Variants in MARCHF1 observed in about 807,000 individuals in gnomAD.
MARCHF1 encodes membrane associated ring-CH-type finger 1, also known as E3 ubiquitin-protein ligase MARCHF1.
MARCHF1 carries 40 observed loss-of-function variants against 54.2 expected under a neutral mutation model. The observed-to-expected ratio is 0.74, with a 90% CI of 0.57 to 0.96. The LOEUF (loss-of-function observed/expected upper bound fraction) is 0.96, where lower values mean the gene tolerates loss of function less well. Ranked by LOEUF, MARCHF1 falls within the 40% of genes least tolerant of loss-of-function variation. The probability of loss-of-function intolerance (pLI) is 0.00; values close to 1 mark genes in which losing one functional copy is unlikely to be tolerated. For synonymous variants in MARCHF1, 236 were observed against 236.3 expected (o/e 1.00, Z 0.01); for missense variants, 586 against 656.5 (o/e 0.89, Z 1.17).
intron 2 of MARCHF1, among the ~76,000 whole-genome samples, chr4:163,992,508 T>C (rs747552220): frequency 2.2e-4 from 34 of 152,028 alleles, no homozygotes; most frequent in Non-Finnish European, 4.0e-4. Flanking sequence ...AGGCCTCTAT[T>C]GTGCTTGGTA....
chr4:163,898,511 G>A (rs549767868), intron 3 of MARCHF1, among the ~76,000 whole-genome samples: 7 of 152,220 alleles, frequency 4.6e-5, no homozygotes, highest in East Asian at 1.9e-4. Flanking sequence ...CAGAATAGCC[G>A]TTATTAAAAA....
At chr4:164,282,491 C>T (rs976973101) in intron 1 of MARCHF1, among the ~76,000 whole-genome samples, 1 of 150,732 alleles carries the variant, frequency 6.6e-6, no homozygotes, top group African/African-American at 2.4e-5. Context: ...CCTCATCCAC[C>T]GTTCCAATAA....
At chr4:164,276,728 A>T (rs1423380246) in intron 1 of MARCHF1, among the ~76,000 whole-genome samples, 1 of 150,718 alleles carries the variant, frequency 6.6e-6, no homozygotes, top group African/African-American at 2.4e-5. Flanking sequence ...ATTTTAGATA[A>T]ATATCAAACT....
At chr4:163,798,894 G>C (rs971230256) in intron 4 of MARCHF1, among the ~76,000 whole-genome samples, 7 of 151,220 alleles carry the variant, frequency 4.6e-5, no homozygotes, top group Admixed American at 2.6e-4. Context: ...AAGAAGGAAA[G>C]TTACTTATGT....
intron 2 of MARCHF1, among the ~76,000 whole-genome samples, chr4:164,089,892 T>C (rs1755264681): frequency 6.6e-6 from 1 of 151,866 alleles, no homozygotes; most frequent in East Asian, 1.9e-4. Flanking sequence ...ATTTCTTATA[T>C]GTAAATCTGT....
At chr4:164,189,472 C>T (rs1472710531) in intron 1 of MARCHF1, 28 of 712,374 alleles carry the variant, frequency 3.9e-5, no homozygotes, top group South Asian at 2.4e-4. Context: ...TGGCTCTACT[C>T]GAATTCCAAA....
chr4:163,527,485 AATTT>A lies in MARCHF1; in HGVS notation c.*1259_*1262del, dbSNP rs765643136. ...CCTATTGTAAGTACTTCATAGTAAC[AATTT>A]ATTTATTTCACAACTCTGCTATAGG... is the stretch of plus-strand genomic sequence containing the variant. On this transcript the variant is annotated 3_prime_UTR_variant, in exon 10 of 10. Coordinates refer to ENST00000514618, the MANE Select transcript of MARCHF1 (RefSeq NM_001394959.1). 6.7e-6 allele frequency: 1 copy of A among 149,334 alleles called. No individual in the cohort carries two copies. The highest frequency in any genetic ancestry group is 1.5e-5 in the Non-Finnish European group (1 of 67,122). The allele number at this position is 149,334 out of a possible 1,614,324, so 9.3% of individuals were successfully genotyped here.
intron 3 of MARCHF1, among the ~76,000 whole-genome samples, chr4:163,892,232 A>G (rs1750676692): frequency 6.6e-6 from 1 of 152,210 alleles, no homozygotes; most frequent in Non-Finnish European, 1.5e-5. Flanking sequence ...TGCATAATCT[A>G]GTGCAGTGCT....
intron 5 of MARCHF1, among the ~76,000 whole-genome samples, chr4:163,683,262 A>G (rs771120740): frequency 2.0e-4 from 31 of 152,224 alleles, no homozygotes; most frequent in East Asian, 3.8e-4. Flanking sequence ...TAAAAGGCAC[A>G]TCTCACATGG....
At chr4:163,841,354 T>C (rs930739944) in intron 4 of MARCHF1, among the ~76,000 whole-genome samples, 1 of 152,068 alleles carries the variant, frequency 6.6e-6, no homozygotes, top group East Asian at 1.9e-4. Context: ...TTGGGGAGAC[T>C]ATGCTTGTGT....
chr4:163,855,039 C>A (rs569574837), intron 3 of MARCHF1, among the ~76,000 whole-genome samples: 12 of 152,158 alleles, frequency 7.9e-5, no homozygotes, highest in African/African-American at 2.9e-4. Flanking sequence ...TTCACAGCAT[C>A]CAAAGCAATT....
intron 1 of MARCHF1, among the ~76,000 whole-genome samples, chr4:164,367,679 TACA>T (rs1171894261): frequency 4.1e-4 from 62 of 151,322 alleles, no homozygotes; most frequent in Admixed American, 1.3e-3. Flanking sequence ...TCCAATTTTC[TACA>T]ACGTTTGTTT....
chr4:164,040,166 C>T (rs1248969527), intron 2 of MARCHF1, among the ~76,000 whole-genome samples: 3 of 142,776 alleles, frequency 2.1e-5, no homozygotes, highest in Non-Finnish European at 4.5e-5. Context: ...AAATATATAA[C>T]TATATATAAA....
At chr4:163,822,437 G>A (rs1748719070) in intron 4 of MARCHF1, among the ~76,000 whole-genome samples, 1 of 151,858 alleles carries the variant, frequency 6.6e-6, no homozygotes, top group South Asian at 2.1e-4. Context: ...AGGTATAGAG[G>A]TCATAGGTGT....
chr4:163,969,975 T>C (rs1196404985), intron 3 of MARCHF1, among the ~76,000 whole-genome samples: 3 of 152,136 alleles, frequency 2.0e-5, no homozygotes, highest in Middle Eastern at 6.8e-3. Context: ...ATCATCAAAA[T>C]GACACTTGGC....
chr4:164,063,157 G>A (rs1419595840), intron 2 of MARCHF1, among the ~76,000 whole-genome samples: 1 of 152,112 alleles, frequency 6.6e-6, no homozygotes, highest in Non-Finnish European at 1.5e-5. Flanking sequence ...AGGGCCCTAC[G>A]ATTTTCAGAA....
Position 163,712,761 on chromosome 4 carries a change from C to T in MARCHF1, c.112-11898G>A, listed in dbSNP as rs1232960267. The stretch of plus-strand genomic sequence containing the variant: ...CTTAAATACGGATCAGAACAAAGTG[C>T]CAGGAAAGTTGATACTGCCTGTGTT... On this transcript the variant is annotated intron_variant, in intron 4 of 9. Coordinates refer to ENST00000514618, the MANE Select transcript of MARCHF1 (RefSeq NM_001394959.1). Among the ~76,000 whole-genome samples, 4 of 152,084 alleles carry T rather than the reference C, an allele frequency of 2.6e-5. No individual in the cohort carries two copies. The East Asian group carries it at 5.8e-4, about 22-fold the overall frequency.
At position 163,693,422 on chromosome 4, in the gene MARCHF1, G is replaced by A. The variant is rs961592135; in HGVS notation, c.162+7391C>T. Among the ~76,000 whole-genome samples the A allele has an allele frequency of 2.6e-5, 4 of 151,360 alleles. 1 individual carries two copies. The highest frequency in any genetic ancestry group is 9.7e-5 in the African/African-American group (4 of 41,084). On this transcript the variant is annotated intron_variant, in intron 5 of 9. Coordinates refer to ENST00000514618, the MANE Select transcript of MARCHF1 (RefSeq NM_001394959.1). Reference sequence around the variant, plus strand: ...TCTTTAACAGATGACTCAGAAAGCTGCAGTTCTGAGTGGGGCCTAGAATGA... The same window carrying A: ...TCTTTAACAGATGACTCAGAAAGCTACAGTTCTGAGTGGGGCCTAGAATGA...
intron 1 of MARCHF1, among the ~76,000 whole-genome samples, chr4:164,341,801 G>A (rs1729939233): frequency 6.6e-6 from 1 of 152,034 alleles, no homozygotes; most frequent in Non-Finnish European, 1.5e-5. Flanking sequence ...TGTTATGAGG[G>A]AACATAAACA....
Sources: gnomAD v4.1 joint callset for allele counts (sites outside exome capture counted in the v4.1 genomes callset) on GRCh38, gnomAD v4.1.1 for gene constraint, MANE v1.5 for transcripts, NCBI Gene and HGNC (gene_info 2026-07-23, HGNC 2026-07-21) for gene names.